The following SGK2 variants were observed in gnomAD, a reference collection of about 807,000 sequenced individuals.
The protein encoded by SGK2 is serine/threonine-protein kinase Sgk2.
In SGK2, 36 loss-of-function variants were observed where a neutral mutation model predicts 47.5. The ratio of observed to expected loss-of-function variants is 0.76; its 90% CI spans 0.58 to 1.00. SGK2 has a LOEUF of 1.00. SGK2 is among the 50% of genes least tolerant of loss of function. The pLI is 0.00. For missense variants in SGK2, 404 were observed against 467.4 expected (o/e 0.86, Z 1.25); for synonymous variants, 157 against 181.9 (o/e 0.86, Z 1.10).
At chr20:43,579,346 T>TGATTTTGG (rs1224396054) in intron 11 of SGK2, among the ~76,000 whole-genome samples, 1 of 152,130 alleles carries the variant, frequency 6.6e-6, no homozygotes, top group Non-Finnish European at 1.5e-5. Flanking sequence ...TCTGGGTTGT[T>TGATTTTGG]AACCAGCCCA....
Position 43,573,581 on chromosome 20 carries a change from C to T in SGK2, c.598-1328C>T, listed in dbSNP as rs181541405. On this transcript the variant is annotated intron_variant, in intron 9 of 12. Coordinates refer to ENST00000373100, the MANE Select transcript of SGK2 (RefSeq NM_170693.3). Reference sequence around the variant, plus strand: ...AAGGGGTCCCCAGTGGCTAGACAGACGTCAGGGTGAGGGTTGGAGGGCTGA... The same window carrying T: ...AAGGGGTCCCCAGTGGCTAGACAGATGTCAGGGTGAGGGTTGGAGGGCTGA... Among the ~76,000 whole-genome samples the T allele has an allele frequency of 3.9e-4, 59 of 152,078 alleles. 2 individuals are homozygous for T. The East Asian group carries it at 9.9e-3, about 25-fold the overall frequency.
At chr20:43,567,812 G>T in intron 4 of SGK2, 90 bp downstream of exon 4, 1 of 1,556,054 alleles carries the variant, frequency 6.4e-7, no homozygotes, top group Non-Finnish European at 8.9e-7. Context: ...TGAAGAGAGA[G>T]CACTCGCACC....
intron 9 of SGK2, among the ~76,000 whole-genome samples, chr20:43,574,123 C>T (rs1323784484): frequency 6.6e-6 from 1 of 152,192 alleles, no homozygotes; most frequent in East Asian, 1.9e-4. Flanking sequence ...CACGTACCAA[C>T]CACGGCTCAG....
At position 43,576,376 on chromosome 20, in the gene SGK2, CT is replaced by C; in HGVS notation, c.849del (p.Glu285ArgfsTer11). ...QRQRLGSKAD[F>X]LEIKNHVFFS... Reference sequence around the variant, plus strand: ...GGCAGCGGCTGGGCTCCAAAGCAGACTTTGTAGGTGACCTACCAGTGGAGCA... The same window carrying C: ...GGCAGCGGCTGGGCTCCAAAGCAGACTTGTAGGTGACCTACCAGTGGAGCA... On this transcript the variant is annotated frameshift_variant and splice_region_variant, in exon 11 of 13. Coordinates refer to ENST00000373100, the MANE Select transcript of SGK2 (RefSeq NM_170693.3). LOFTEE classifies it high-confidence loss of function. 6.2e-7 allele frequency: 1 copy of C among 1,613,916 alleles called. No homozygotes were observed. The highest frequency in any genetic ancestry group is 8.5e-7 in the Non-Finnish European group (1 of 1,179,892).
At chr20:43,566,346 C>A (rs903526031) in intron 1 of SGK2, 127 bp from the exon 2 acceptor site, 3 of 1,613,234 alleles carry the variant, frequency 1.9e-6, no homozygotes, top group Non-Finnish European at 2.5e-6. Flanking sequence ...GGGTAGGAAA[C>A]CCTCAGGCGG....
chr20:43,574,224 G>C (rs2145548556), intron 9 of SGK2, among the ~76,000 whole-genome samples: 1 of 152,332 alleles, frequency 6.6e-6, no homozygotes, highest in Middle Eastern at 3.4e-3. Context: ...CTCGGTGGCA[G>C]AGACACCAGG....
intron 1 of SGK2, among the ~76,000 whole-genome samples, chr20:43,561,402 T>C (rs1432601032): frequency 2.0e-5 from 3 of 149,068 alleles, no homozygotes; most frequent in Non-Finnish European, 4.5e-5. Flanking sequence ...TTTTTTTTTT[T>C]TTTTTTGAGA....
At chr20:43,566,189 C>G in intron 1 of SGK2, 1 of 712,620 alleles carries the variant, frequency 1.4e-6, no homozygotes. Flanking sequence ...TCTTGTTGCC[C>G]TGGGTGTCCC....
chr20:43,573,574 A>C (rs1272839383), intron 9 of SGK2, among the ~76,000 whole-genome samples: 1 of 151,844 alleles, frequency 6.6e-6, no homozygotes, highest in East Asian at 1.9e-4. Context: ...CCCAGTGGCT[A>C]GACAGACGTC....
At chr20:43,570,943 G>T in intron 7 of SGK2, 81 bp from the exon 8 acceptor site, 7 of 1,604,306 alleles carry the variant, frequency 4.4e-6, no homozygotes, top group Non-Finnish European at 5.1e-6. Flanking sequence ...CTCCTGCCAG[G>T]ACCACCCCCC....
intron 1 of SGK2, among the ~76,000 whole-genome samples, chr20:43,563,135 C>CAAAAAAAAAAA (rs796539305): frequency 3.7e-4 from 26 of 70,638 alleles, no homozygotes; most frequent in African/African-American, 8.4e-4. Flanking sequence ...GACTCTGTCT[C>CAAAAAAAAAAA]AAAAAAAAAA....
At chr20:43,565,900 T>C (rs73272172) in intron 1 of SGK2, 3,709 of 161,542 alleles carry the variant, frequency 0.023, 155 homozygotes, top group African/African-American at 0.083. Context: ...GGCAGCTGCC[T>C]TTCCTGAGGC....
intron 12 of SGK2, among the ~76,000 whole-genome samples, chr20:43,580,362 G>A (rs891084454): frequency 6.6e-6 from 1 of 152,176 alleles, no homozygotes; most frequent in African/African-American, 2.4e-5. Context: ...AAGCCCTTTA[G>A]AGATATTTTA....
At chr20:43,562,417 CAAAAAAAAAAAA>C (rs111670042) in intron 1 of SGK2, among the ~76,000 whole-genome samples, 13 of 49,966 alleles carry the variant, frequency 2.6e-4, no homozygotes, top group South Asian at 2.1e-3. Flanking sequence ...AACCATGTCT[CAAAAAAAAAAAA>C]AAAAAAAAAA....
intron 12 of SGK2, 119 bp downstream of exon 12, chr20:43,580,180 C>G (rs1444532198): frequency 3.2e-6 from 2 of 620,172 alleles, no homozygotes; most frequent in Non-Finnish European, 5.7e-6. Context: ...GTCATTTGTC[C>G]TAGGCTACAC....
Position 43,567,932 on chromosome 20 carries a change from G to A in SGK2, c.161G>A (p.Arg54His), listed in dbSNP as rs147953497. 3.0e-5 allele frequency: 48 copies of A among 1,614,140 alleles called. No individual in the cohort carries two copies. Among genetic ancestry groups the A allele is most frequent in the African/African-American group, 1.3e-4 (10 of 75,040 alleles). ...TCTTCTCAGGTCCTACTGGCCAAGC[G>A]CAAGTCTGATGGGGCGTTCTATGCA... ...GNYGKVLLAK[R>H]KSDGAFYAVK... The change falls in exon 5 of 13, where the codon CGC (arginine) becomes CAC (histidine). Residue 54 changes from arginine to histidine, a missense_variant. Transcript: ENST00000373100.
chr20:43,564,406 T>C (rs1979557780), intron 1 of SGK2, among the ~76,000 whole-genome samples: 5 of 152,234 alleles, frequency 3.3e-5, no homozygotes, highest in Admixed American at 3.3e-4. Flanking sequence ...ATGGCTGATG[T>C]CTGGGGACTT....
chr20:43,574,906 C>T lies in SGK2; in HGVS notation c.598-3C>T. 6.8e-6 allele frequency: 11 copies of T among 1,611,022 alleles called. No individual in the cohort carries two copies. Among genetic ancestry groups the T allele is most frequent in the Non-Finnish European group, 8.5e-6 (10 of 1,177,410 alleles). ...TTCAAATAAGTGTGTTTCCTTCTAA[C>T]AGTACTTGGCACCTGAAGTGCTTCG... On this transcript the variant is annotated splice_region_variant and splice_polypyrimidine_tract_variant and intron_variant, in intron 9 of 12. Transcript: ENST00000373100.
Position 43,585,011 on chromosome 20 carries a change from T to C in SGK2, c.1099T>C (p.Cys367Arg). ...YAPEDDDILD[C>R] ...GCCAGAGGATGATGACATCTTGGAT[T>C]GCTAGAAGAGAAGGACCTGTGAAAC... The change falls in exon 13 of 13, where the codon TGC becomes CGC. Residue 367 changes from cysteine (C) to arginine (R), a missense_variant. Cys to Arg is a radical substitution (Grantham distance 180). Coordinates refer to ENST00000373100, the MANE Select transcript of SGK2 (RefSeq NM_170693.3). The C allele has an allele frequency of 6.2e-7, 1 of 1,613,088 alleles. No individual in the cohort carries two copies. Among genetic ancestry groups the C allele is most frequent in the African/African-American group, 1.3e-5 (1 of 75,036 alleles).
Sources: gnomAD v4.1 joint callset for allele counts (sites outside exome capture counted in the v4.1 genomes callset) on GRCh38, gnomAD v4.1.1 for gene constraint, MANE v1.5 for transcripts, NCBI Gene and HGNC (gene_info 2026-07-23, HGNC 2026-07-21) for gene names.